Variants in ZRSR2 observed in about 807,000 individuals in gnomAD.
ZRSR2 encodes U2 small nuclear ribonucleoprotein auxiliary factor 35 kDa subunit-related protein 2.
In ZRSR2, 3 loss-of-function variants were observed where a neutral mutation model predicts 39.4. The ratio of observed to expected loss-of-function variants is 0.08; its 90% CI spans 0.03 to 0.20. The LOEUF (loss-of-function observed/expected upper bound fraction) is 0.20. ZRSR2 is among the 10% of genes least tolerant of loss of function. ZRSR2 has a pLI of 1.00. For missense variants in ZRSR2, 256 were observed against 391.5 expected (o/e 0.65, Z 2.92); for synonymous variants, 137 against 136.0 (o/e 1.01, Z -0.05).
chrX:15,799,925 G>C lies in ZRSR2; in HGVS notation c.175G>C (p.Glu59Gln). 1 of 1,201,804 alleles carries C rather than the reference G, an allele frequency of 8.3e-7. No individual in the cohort carries two copies. The highest frequency in any genetic ancestry group is 1.1e-6 in the Non-Finnish European group (1 of 888,219). ...CACTTTTATTGAAGAACAACAACTA[G>C]AAGAAGAGAAGCTATTGGAAAGAGA... ...EDTFIEEQQL[E>Q]EEKLLERERQ... The change falls in exon 3 of 11, where the codon GAA becomes CAA. Residue 59 changes from glutamate to glutamine, a missense_variant. Glu to Gln is a conservative substitution (Grantham distance 29). Transcript: ENST00000307771.
At chrX:15,796,448 A>G (rs1481849715) in intron 2 of ZRSR2, among the ~76,000 whole-genome samples, 1 of 112,215 alleles carries the variant, frequency 8.9e-6, no homozygotes, top group East Asian at 2.8e-4. Context: ...GGAGGTGGCT[A>G]TGAAATTATT....
Position 15,823,126 on chromosome X carries a change from A to G in ZRSR2, c.1333A>G (p.Ser445Gly). 8.3e-7 allele frequency: 1 copy of G among 1,206,247 alleles called. No homozygotes were observed. Reference protein sequence around the residue: ...RGRGSRSRSRSRSRRSRRSRS... With the variant: ...RGRGSRSRSRGRSRRSRRSRS... ...CCGGGGCAGCCGGAGCCGGAGCCGG[A>G]GCCGGAGCCGCAGGAGCCGCCGCAG... The change falls in exon 11 of 11, where the codon AGC becomes GGC. Residue 445 changes from serine to glycine, a missense_variant. Physicochemically the swap from Ser to Gly is moderately conservative, Grantham distance 56 (BLOSUM62 0). Coordinates refer to ENST00000307771, the MANE Select transcript of ZRSR2 (RefSeq NM_005089.4).
chrX:15,814,368 C>G (rs1932930374), intron 7 of ZRSR2, among the ~76,000 whole-genome samples: 1 of 112,022 alleles, frequency 8.9e-6, no homozygotes, highest in South Asian at 3.7e-4. Context: ...GTAGCTCACA[C>G]CTGTAATCCC....
At position 15,796,785 on chromosome X, in the gene ZRSR2, T is replaced by TTTATCG. The variant is rs1491167559; in HGVS notation, c.122-3085_122-3084insATCGTT. 2.8e-3 allele frequency among the ~76,000 whole-genome samples: 6 copies of TTTATCG among 2,134 alleles called. No individual in the cohort carries two copies. In the East Asian group the frequency reaches 0.028, roughly 10 times the overall value. The allele number at this position is 2,134 out of a possible 115,157, so 1.9% of individuals were successfully genotyped here. A position where few individuals can be genotyped will look rare whatever the true frequency, so the allele number is the denominator to read the frequency against. Reference sequence around the variant, plus strand: ...TCAGAGATCATTTTGTTTCAAATCGTTTTTTTTTTTTTTTTTTTTTTTTTT... The same window carrying TTTATCG: ...TCAGAGATCATTTTGTTTCAAATCGTTTATCGTTTTTTTTTTTTTTTTTTTTTTTTT... On this transcript the variant is annotated intron_variant, in intron 2 of 10. Coordinates refer to ENST00000307771, the MANE Select transcript of ZRSR2 (RefSeq NM_005089.4).
Position 15,803,734 on chromosome X carries a change from G to A in ZRSR2, c.250G>A (p.Glu84Lys). ...EWLLREQKAQEEFRIKKEKEE... is the reference protein window; with the variant it reads ...EWLLREQKAQKEFRIKKEKEE... ...GTTGCTAAGAGAGCAGAAGGCACAA[G>A]AAGAATTCAGAATAAAGAAGGAAAA... is the stretch of plus-strand genomic sequence containing the variant. The change falls in exon 4 of 11, where the codon GAA becomes AAA. Residue 84 changes from glutamate to lysine, a missense_variant. By Grantham distance (56) the Glu-to-Lys change is moderately conservative. Around this residue, in one of 3 missense-constraint regions of ZRSR2, gnomAD observed 87 missense variants for 111.7 expected, o/e 0.78. Transcript: ENST00000307771. 8.3e-7 allele frequency: 1 copy of A among 1,201,408 alleles called. No individual in the cohort carries two copies.
chrX:15,821,290 G>A (rs1415661548), intron 10 of ZRSR2, among the ~76,000 whole-genome samples: 1 of 108,889 alleles, frequency 9.2e-6, no homozygotes, highest in African/African-American at 3.4e-5. Flanking sequence ...AGGAGCTTCT[G>A]AGTGTGACCT....
intron 3 of ZRSR2, among the ~76,000 whole-genome samples, chrX:15,803,231 C>G (rs918195316): frequency 9.1e-6 from 1 of 110,144 alleles, no homozygotes; most frequent in African/African-American, 3.3e-5. Flanking sequence ...CCACTGCACT[C>G]CAGCCTGGGC....
intron 2 of ZRSR2, among the ~76,000 whole-genome samples, chrX:15,795,849 G>A (rs1932435673): frequency 9.0e-6 from 1 of 111,546 alleles, no homozygotes; most frequent in Admixed American, 9.5e-5. Context: ...CAGGCCAGGC[G>A]CAGTGGCTCA....
At chrX:15,803,538 G>T in intron 3 of ZRSR2, 150 bp from the exon 4 acceptor site, 1 of 698,117 alleles carries the variant, frequency 1.4e-6, no homozygotes, top group Non-Finnish European at 2.0e-6. Context: ...TGCTCTTCTC[G>T]TTCTCTTACA....
Position 15,803,940 on chromosome X carries a change from T to C in ZRSR2, c.312+144T>C, listed in dbSNP as rs112006763. 4,189 of 902,260 alleles carry C rather than the reference T, an allele frequency of 4.6e-3. 121 individuals are homozygous for C. In the African/African-American group the frequency reaches 0.078, roughly 17 times the overall value. 74.4% of individuals were successfully genotyped at this position (902,260 alleles called of 1,213,427 possible). ...CCTGGGCAGCAAGAGCGGAACTCCA[T>C]CTCAAAAAGAAAAAAAAAAAAGAGT... is the stretch of plus-strand genomic sequence containing the variant. On this transcript the variant is annotated intron_variant, in intron 4 of 10. Transcript: ENST00000307771.
chrX:15,815,635 A>G (rs1465395488), intron 7 of ZRSR2, 42 bp from the exon 8 acceptor site: 1 of 1,098,901 alleles, frequency 9.1e-7, no homozygotes, highest in Non-Finnish European at 1.2e-6. Flanking sequence ...AGTAATTTTC[A>G]ACTATTGGCC....
Position 15,818,563 on chromosome X carries a change from A to G in ZRSR2, c.772-24A>G, listed in dbSNP as rs1183564269. The stretch of plus-strand genomic sequence containing the variant: ...GGTTTCTTTTCCTGAATTTTTTATG[A>G]TAGCATTCTTCATTGCTCCCTAGGT... On this transcript the variant is annotated intron_variant, in intron 8 of 10. Coordinates refer to ENST00000307771, the MANE Select transcript of ZRSR2 (RefSeq NM_005089.4). 3 of 1,188,524 alleles carry G rather than the reference A, an allele frequency of 2.5e-6. No individual in the cohort carries two copies. The African/African-American group carries it at 5.3e-5, about 21-fold the overall frequency.
intron 2 of ZRSR2, among the ~76,000 whole-genome samples, chrX:15,797,836 C>A (rs1175526999): frequency 9.0e-6 from 1 of 111,516 alleles, no homozygotes; most frequent in African/African-American, 3.3e-5. Flanking sequence ...GAACTGTTAG[C>A]AATCACTTCT....
rs1178016702 is a variant in ZRSR2, at chrX:15,791,031, C to G, written c.121+18C>G. 3.4e-6 allele frequency: 4 copies of G among 1,189,789 alleles called. No homozygotes were observed. The highest frequency in any genetic ancestry group is 3.4e-6 in the Non-Finnish European group (3 of 875,905). Reference sequence around the variant, plus strand: ...AGACTCAGGTGATGGACTCTTTATTCTGTTTTCTGTGTTGTGAAATTGCTC... The same window carrying G: ...AGACTCAGGTGATGGACTCTTTATTGTGTTTTCTGTGTTGTGAAATTGCTC... On this transcript the variant is annotated intron_variant, in intron 2 of 10. Transcript: ENST00000307771.
At chrX:15,808,539 G>A (rs1932832748) in intron 6 of ZRSR2, among the ~76,000 whole-genome samples, 1 of 111,020 alleles carries the variant, frequency 9.0e-6, no homozygotes, top group African/African-American at 3.3e-5. Context: ...TCCAGTGGAC[G>A]GTTTACCTTG....
At chrX:15,795,091 C>T (rs866748971) in intron 2 of ZRSR2, among the ~76,000 whole-genome samples, 4 of 43,245 alleles carry the variant, frequency 9.2e-5, no homozygotes, top group Middle Eastern at 0.01. Context: ...GCACTTTTCC[C>T]CCCCCCCCAT....
At chrX:15,799,737 G>C in intron 2 of ZRSR2, 135 bp from the exon 3 acceptor site, 1 of 408,470 alleles carries the variant, frequency 2.4e-6, no homozygotes, top group Non-Finnish European at 4.2e-6. Context: ...GTTGATCAGA[G>C]ACCTTTTTGT....
At chrX:15,808,908 A>G (rs924597715) in intron 6 of ZRSR2, among the ~76,000 whole-genome samples, 1 of 111,259 alleles carries the variant, frequency 9.0e-6, no homozygotes, top group African/African-American at 3.3e-5. Flanking sequence ...GGCGTGAGCC[A>G]CTGCACCCGG....
intron 4 of ZRSR2, 71 bp from the exon 5 acceptor site, chrX:15,804,040 C>G: frequency 9.3e-7 from 1 of 1,072,772 alleles, no homozygotes; most frequent in East Asian, 3.4e-5. Flanking sequence ...AGTTTTTCAT[C>G]TATGTGCGCT....
Sources: gnomAD v4.1 joint callset for allele counts (sites outside exome capture counted in the v4.1 genomes callset) on GRCh38, gnomAD v4.1.1 for gene constraint, gnomAD v4.1.1 regional missense constraint, MANE v1.5 for transcripts, NCBI Gene and HGNC (gene_info 2026-07-23, HGNC 2026-07-21) for gene names.